Variants in CCSER1 observed in about 807,000 individuals in gnomAD.
CCSER1 encodes serine-rich coiled-coil domain-containing protein 1.
In CCSER1, 41 loss-of-function variants were observed where a neutral mutation model predicts 82.0. That is an observed-to-expected ratio of 0.50 (90% CI 0.39 to 0.65). The LOEUF (loss-of-function observed/expected upper bound fraction) is 0.65, where lower values mean the gene tolerates loss of function less well. Among genes scored for constraint, CCSER1 ranks in the 30% least tolerant of loss-of-function variants. The pLI is 0.00. For synonymous variants in CCSER1, 414 were observed against 383.9 expected, an observed-to-expected ratio of 1.08 and a Z score of -0.92; for missense variants, 1,119 against 1,064.2, an observed-to-expected ratio of 1.05 and a Z score of -0.72.
At chr4:90,448,438 G>C (rs1173545696) in intron 4 of CCSER1, among the ~76,000 whole-genome samples, 136 of 94,394 alleles carry the variant, frequency 1.4e-3, no homozygotes, top group Non-Finnish European at 3.8e-4. Context: ...TTCTCTAGGT[G>C]AATTGAATAT....
intron 5 of CCSER1, among the ~76,000 whole-genome samples, chr4:90,598,274 A>AT (rs1783590850): frequency 6.6e-6 from 1 of 151,590 alleles, no homozygotes; most frequent in Non-Finnish European, 1.5e-5. Context: ...TTTATTTTTT[A>AT]TTTTTTAAAT....
chr4:90,276,944 T>C (rs370337098), intron 1 of CCSER1, among the ~76,000 whole-genome samples: 1 of 152,208 alleles, frequency 6.6e-6, no homozygotes, highest in Admixed American at 6.5e-5. Flanking sequence ...TTTTTATACA[T>C]TGGTTTTGCA....
chr4:90,552,386 A>T (rs888141211), intron 5 of CCSER1, among the ~76,000 whole-genome samples: 2 of 152,256 alleles, frequency 1.3e-5, no homozygotes, highest in African/African-American at 4.8e-5. Flanking sequence ...ATTAGATTGT[A>T]GAAATATGAT....
chr4:91,057,536 C>A (rs1460649249), intron 9 of CCSER1, among the ~76,000 whole-genome samples: 1 of 152,134 alleles, frequency 6.6e-6, no homozygotes, highest in Non-Finnish European at 1.5e-5. Context: ...CCAAAGAAAT[C>A]ATAAGTAGCT....
At chr4:90,253,698 A>G (rs188123891) in intron 1 of CCSER1, among the ~76,000 whole-genome samples, 16 of 152,252 alleles carry the variant, frequency 1.1e-4, no homozygotes, top group East Asian at 7.7e-4. Flanking sequence ...CATTTCCCCA[A>G]TGGGATTCAA....
chr4:90,255,649 A>G (rs778659420), intron 1 of CCSER1, among the ~76,000 whole-genome samples: 3 of 139,294 alleles, frequency 2.2e-5, no homozygotes, highest in Non-Finnish European at 4.5e-5. Flanking sequence ...TACAAAAACT[A>G]CTGATTACAG....
intron 1 of CCSER1, among the ~76,000 whole-genome samples, chr4:90,224,315 TG>T (rs1432657679): frequency 6.6e-6 from 1 of 152,188 alleles, no homozygotes; most frequent in Non-Finnish European, 1.5e-5. Flanking sequence ...CATTGCTTTG[TG>T]GGGTGTCAGT....
intron 7 of CCSER1, among the ~76,000 whole-genome samples, chr4:90,785,861 T>C (rs1176581735): frequency 6.6e-6 from 1 of 152,226 alleles, no homozygotes; most frequent in African/African-American, 2.4e-5. Flanking sequence ...TCCAAAGGAT[T>C]AACAAATGCC....
chr4:91,355,506 T>A (rs2149305119), intron 10 of CCSER1, among the ~76,000 whole-genome samples: 1 of 152,328 alleles, frequency 6.6e-6, no homozygotes, highest in East Asian at 1.9e-4. Context: ...TTTAGAGTCC[T>A]GGTACACTTA....
intron 7 of CCSER1, among the ~76,000 whole-genome samples, chr4:90,796,564 G>A (rs1207442761): frequency 6.6e-6 from 1 of 151,612 alleles, no homozygotes; most frequent in Admixed American, 6.6e-5. Context: ...ACTTCTTTTA[G>A]TTGTGATGTT....
intron 10 of CCSER1, among the ~76,000 whole-genome samples, chr4:91,570,313 C>T (rs1488406224): frequency 6.6e-6 from 1 of 152,172 alleles, no homozygotes; most frequent in African/African-American, 2.4e-5. Flanking sequence ...GAGGATGTGG[C>T]CTTCTTCTCA....
intron 10 of CCSER1, among the ~76,000 whole-genome samples, chr4:91,292,107 T>C (rs1743794078): frequency 6.6e-6 from 1 of 151,944 alleles, no homozygotes; most frequent in South Asian, 2.1e-4. Flanking sequence ...TAGAAGTTAG[T>C]TGTTGAATGT....
chr4:90,276,210 C>CTT (rs1727550362), intron 1 of CCSER1, among the ~76,000 whole-genome samples: 1 of 66,648 alleles, frequency 1.5e-5, no homozygotes, highest in Admixed American at 1.8e-4. Flanking sequence ...TTCTTTCTTT[C>CTT]TTTCTTTCTT....
chr4:90,758,997 C>G (rs1750012857), intron 7 of CCSER1, among the ~76,000 whole-genome samples: 1 of 152,156 alleles, frequency 6.6e-6, no homozygotes, highest in Non-Finnish European at 1.5e-5. Flanking sequence ...TACACTCCTT[C>G]CAGTCTGTTT....
chr4:90,810,877 G>A (rs1758188746), intron 7 of CCSER1, among the ~76,000 whole-genome samples: 1 of 130,622 alleles, frequency 7.7e-6, no homozygotes, highest in Non-Finnish European at 1.6e-5. Context: ...CTGTCGCCCA[G>A]GCTGGAGTGC....
At chr4:90,408,007 G>A (rs111428784) in intron 4 of CCSER1, among the ~76,000 whole-genome samples, 11 of 152,288 alleles carry the variant, frequency 7.2e-5, no homozygotes, top group East Asian at 1.9e-4. Flanking sequence ...TGGCTCAGAG[G>A]GTCCTACGTC....
chr4:90,353,737 A>T (rs1331303519), intron 3 of CCSER1, among the ~76,000 whole-genome samples: 1 of 152,210 alleles, frequency 6.6e-6, no homozygotes, highest in East Asian at 1.9e-4. Flanking sequence ...CCACTGCAGG[A>T]AAGCACTCTC....
At chr4:91,405,459 G>A (rs573034572) in intron 10 of CCSER1, among the ~76,000 whole-genome samples, 27 of 152,276 alleles carry the variant, frequency 1.8e-4, no homozygotes, top group Admixed American at 1.2e-3. Context: ...ATAGACAAAT[G>A]GGATCTAATT....
intron 8 of CCSER1, chr4:90,911,286 G>T (rs73834578): frequency 0.024 from 10,810 of 455,998 alleles, 669 homozygotes; most frequent in African/African-American, 0.15. Flanking sequence ...ATGAGAGGAG[G>T]TTTTATTTGC....
Sources: allele counts gnomAD v4.1 joint callset (sites outside exome capture counted in the v4.1 genomes callset), GRCh38; gene constraint gnomAD v4.1.1; transcripts MANE v1.5; gene names NCBI Gene and HGNC (gene_info 2026-07-23, HGNC 2026-07-21).